Variants in MINDY4 observed in about 807,000 individuals in gnomAD.
MINDY4 encodes the protein probable ubiquitin carboxyl-terminal hydrolase MINDY-4.
Under a neutral mutation model 87.0 loss-of-function variants are expected in MINDY4, and 68 were observed. The observed-to-expected ratio is 0.78, with a 90% CI of 0.64 to 0.96. The LOEUF is 0.96. Among genes scored for constraint, MINDY4 ranks in the 40% least tolerant of loss-of-function variants. The pLI is 0.00. For synonymous variants in MINDY4, 379 were observed against 363.2 expected (o/e 1.04, Z -0.50); for missense variants, 919 against 928.2 (o/e 0.99, Z 0.13).
At chr7:30,772,152 A>G (rs1192097587) in intron 1 of MINDY4, among the ~76,000 whole-genome samples, 1 of 151,910 alleles carries the variant, frequency 6.6e-6, no homozygotes, top group Non-Finnish European at 1.5e-5. Context: ...CTCAGGGTGG[A>G]GATGGGGACC....
chr7:30,812,530 A>G (rs756547396), intron 5 of MINDY4, among the ~76,000 whole-genome samples: 3 of 152,214 alleles, frequency 2.0e-5, no homozygotes, highest in Non-Finnish European at 2.9e-5. Context: ...TTGTTATTCA[A>G]TGCTGGAATC....
intron 12 of MINDY4, 35 bp from the exon 13 acceptor site, chr7:30,859,222 A>G (rs769663316): frequency 6.3e-7 from 1 of 1,599,736 alleles, no homozygotes; most frequent in Non-Finnish European, 8.6e-7. Flanking sequence ...GGAGGTGCAA[A>G]TGGGATGGAG....
At chr7:30,851,244 T>C (rs1789404736) in intron 10 of MINDY4, among the ~76,000 whole-genome samples, 1 of 152,186 alleles carries the variant, frequency 6.6e-6, no homozygotes. Flanking sequence ...TTGGTCACTG[T>C]AGCATATTGC....
At chr7:30,790,345 C>T (rs1004740544) in intron 4 of MINDY4, among the ~76,000 whole-genome samples, 2 of 152,146 alleles carry the variant, frequency 1.3e-5, no homozygotes, top group African/African-American at 2.4e-5. Flanking sequence ...TCAGCAACTC[C>T]ATGTATGAAT....
intron 4 of MINDY4, among the ~76,000 whole-genome samples, chr7:30,789,294 G>A (rs553658857): frequency 5.1e-4 from 78 of 152,226 alleles, no homozygotes; most frequent in African/African-American, 1.8e-3. Flanking sequence ...TCACTGCCAA[G>A]GGCATTGCTG....
At chr7:30,826,779 A>G (rs1788528365) in intron 5 of MINDY4, among the ~76,000 whole-genome samples, 1 of 152,248 alleles carries the variant, frequency 6.6e-6, no homozygotes, top group South Asian at 2.1e-4. Context: ...GCTCAGTGAA[A>G]TAAGTGCTTC....
chr7:30,880,302 A>ACCCCCCCC (rs113190113), intron 15 of MINDY4, among the ~76,000 whole-genome samples: 4 of 72,018 alleles, frequency 5.6e-5, no homozygotes, highest in Non-Finnish European at 1.0e-4. Flanking sequence ...CCTCCCCCGC[A>ACCCCCCCC]CCCCCCCCCA....
chr7:30,822,810 ATT>A (rs759442726), intron 5 of MINDY4, among the ~76,000 whole-genome samples: 2 of 140,776 alleles, frequency 1.4e-5, no homozygotes, highest in Admixed American at 7.1e-5. Context: ...TAATTTTTGA[ATT>A]TTTTTTTTTT....
At chr7:30,868,396 C>A (rs775518494) in intron 13 of MINDY4, among the ~76,000 whole-genome samples, 34 of 152,224 alleles carry the variant, frequency 2.2e-4, no homozygotes, top group Admixed American at 1.7e-3. Flanking sequence ...GGTGGTCTTA[C>A]CCTCCTGGCC....
chr7:30,795,737 G>T (rs946317215), intron 5 of MINDY4, among the ~76,000 whole-genome samples: 1 of 152,176 alleles, frequency 6.6e-6, no homozygotes, highest in Non-Finnish European at 1.5e-5. Flanking sequence ...TCCTTCTGGA[G>T]CCTCTAGGGG....
chr7:30,822,620 C>CTATTT (rs1247469473), intron 5 of MINDY4, among the ~76,000 whole-genome samples: 2 of 123,536 alleles, frequency 1.6e-5, no homozygotes, highest in African/African-American at 7.2e-5. Context: ...GTTGACGTGC[C>CTATTT]TGTCTATTTT....
chr7:30,799,943 A>T (rs1398744294), intron 5 of MINDY4, among the ~76,000 whole-genome samples: 1 of 152,166 alleles, frequency 6.6e-6, no homozygotes, highest in African/African-American at 2.4e-5. Flanking sequence ...AGTTAGTCCC[A>T]TGTTTAAGGC....
At chr7:30,799,053 TC>T (rs1377481948) in intron 5 of MINDY4, among the ~76,000 whole-genome samples, 5 of 152,112 alleles carry the variant, frequency 3.3e-5, no homozygotes, top group Non-Finnish European at 1.5e-5. Flanking sequence ...TAAAAGCAAG[TC>T]CCCATCTTGC....
At chr7:30,816,003 T>A (rs11984347) in intron 5 of MINDY4, among the ~76,000 whole-genome samples, 27,845 of 151,820 alleles carry the variant, frequency 0.18, 3,563 homozygotes, top group East Asian at 0.42. Flanking sequence ...TCTGCCTACT[T>A]ACCAGGGGCC....
chr7:30,843,311 C>A (rs1789098537), intron 9 of MINDY4, among the ~76,000 whole-genome samples: 1 of 152,134 alleles, frequency 6.6e-6, no homozygotes, highest in South Asian at 2.1e-4. Flanking sequence ...GTTAGGGCAG[C>A]ATTTGGAGGA....
chr7:30,806,445 T>TC (rs1363596143), intron 5 of MINDY4, among the ~76,000 whole-genome samples: 1 of 151,808 alleles, frequency 6.6e-6, no homozygotes, highest in Admixed American at 6.6e-5. Context: ...AATATTAGCT[T>TC]CCCCCCACTC....
intron 13 of MINDY4, among the ~76,000 whole-genome samples, chr7:30,859,650 A>C (rs1789690690): frequency 6.6e-6 from 1 of 152,154 alleles, no homozygotes. Context: ...TGTGCAGGGG[A>C]TGGACAATTG....
At chr7:30,789,342 A>G (rs531645131) in intron 4 of MINDY4, among the ~76,000 whole-genome samples, 14 of 152,224 alleles carry the variant, frequency 9.2e-5, no homozygotes, top group Non-Finnish European at 2.1e-4. Context: ...GGGAGGTGGT[A>G]TCTGAAACCC....
intron 3 of MINDY4, among the ~76,000 whole-genome samples, chr7:30,784,509 C>A (rs956518555): frequency 6.6e-6 from 1 of 152,314 alleles, no homozygotes; most frequent in African/African-American, 2.4e-5. Flanking sequence ...CCTAAGATAG[C>A]GTGAGCTTTC....
Sources: allele counts gnomAD v4.1 joint callset (sites outside exome capture counted in the v4.1 genomes callset), GRCh38; gene constraint gnomAD v4.1.1; transcripts MANE v1.5; gene names NCBI Gene and HGNC (gene_info 2026-07-23, HGNC 2026-07-21).